Variants in QTMAN observed in about 807,000 individuals in gnomAD.
QTMAN encodes queuosine-tRNA mannosyltransferase.
chr2:144,196,142 T>A, the QTMAN span, among the ~76,000 whole-genome samples: 1 of 151,750 alleles, frequency 6.6e-6, no homozygotes, highest in African/African-American at 2.4e-5. Context: ...AAATGAAAGC[T>A]AAGAATCATT....
At chr2:143,971,718 GCTT>G in the QTMAN span, among the ~76,000 whole-genome samples, 3 of 151,778 alleles carry the variant, frequency 2.0e-5, no homozygotes, top group Non-Finnish European at 2.9e-5. Context: ...CAGAATTTTA[GCTT>G]CTTTTTTACA....
chr2:143,952,828 GTAC>G, the QTMAN span: 4 of 1,605,618 alleles, frequency 2.5e-6, no homozygotes, highest in African/African-American at 5.4e-5. Context: ...AACACCCACA[GTAC>G]ACAGCTTCCA....
At chr2:144,024,159 G>T in the QTMAN span, among the ~76,000 whole-genome samples, 1 of 151,816 alleles carries the variant, frequency 6.6e-6, no homozygotes, top group African/African-American at 2.4e-5. Context: ...AGAATTATGG[G>T]CAACAAATCA....
At chr2:143,977,334 T>C in the QTMAN span, among the ~76,000 whole-genome samples, 1 of 152,152 alleles carries the variant, frequency 6.6e-6, no homozygotes, top group South Asian at 2.1e-4. Flanking sequence ...CAAAATGCTA[T>C]GAGAGTGTAG....
chr2:143,992,726 G>C, the QTMAN span, among the ~76,000 whole-genome samples: 1 of 152,088 alleles, frequency 6.6e-6, no homozygotes, highest in African/African-American at 2.4e-5. Flanking sequence ...TCTTAAGGAT[G>C]TTCTTCGGGC....
chr2:144,154,797 A>G, the QTMAN span, among the ~76,000 whole-genome samples: 44 of 152,300 alleles, frequency 2.9e-4, no homozygotes, highest in Middle Eastern at 3.4e-3. Context: ...TTAGTATCCT[A>G]GAGTTTTCCT....
At chr2:144,037,994 T>A in the QTMAN span, among the ~76,000 whole-genome samples, 1 of 152,254 alleles carries the variant, frequency 6.6e-6, no homozygotes, top group African/African-American at 2.4e-5. Flanking sequence ...CCACTTATTG[T>A]GTGACTTTGA....
the QTMAN span, among the ~76,000 whole-genome samples, chr2:144,080,456 T>C: frequency 1.2e-4 from 18 of 152,138 alleles, no homozygotes; most frequent in Non-Finnish European, 2.4e-4. Flanking sequence ...GTCTATTACC[T>C]GGAGCTTCAG....
the QTMAN span, among the ~76,000 whole-genome samples, chr2:144,260,310 C>T: frequency 6.6e-6 from 1 of 151,598 alleles, no homozygotes; most frequent in Non-Finnish European, 1.5e-5. Flanking sequence ...CTTAGTTCTC[C>T]CTCTATAAAT....
chr2:144,288,755 C>T, the QTMAN span, among the ~76,000 whole-genome samples: 1 of 152,252 alleles, frequency 6.6e-6, no homozygotes, highest in Non-Finnish European at 1.5e-5. Context: ...TACTACTTGG[C>T]TATTTCAATG....
chr2:143,959,164 A>G, the QTMAN span, among the ~76,000 whole-genome samples: 1 of 152,226 alleles, frequency 6.6e-6, no homozygotes, highest in East Asian at 1.9e-4. Context: ...TTAAGATATG[A>G]TAAAATGAAC....
At chr2:144,012,957 T>C in the QTMAN span, among the ~76,000 whole-genome samples, 1 of 151,986 alleles carries the variant, frequency 6.6e-6, no homozygotes, top group African/African-American at 2.4e-5. Flanking sequence ...GTGTCTCACA[T>C]TCTAGCTCGG....
At chr2:144,005,971 A>T in the QTMAN span, 1 of 152,134 alleles carries the variant, frequency 6.6e-6, no homozygotes, top group African/African-American at 2.4e-5. Flanking sequence ...TTAATGGAAT[A>T]AAAGAAAAAG....
the QTMAN span, among the ~76,000 whole-genome samples, chr2:144,239,172 G>GAAAAAAAAAAAAAAAA: frequency 8.0e-6 from 1 of 125,186 alleles, no homozygotes; most frequent in African/African-American, 3.1e-5. Flanking sequence ...AAAAAGAAAA[G>GAAAAAAAAAAAAAAAA]AAAAAAAAGA....
chr2:144,330,585 C>T, the QTMAN span, among the ~76,000 whole-genome samples: 1 of 152,208 alleles, frequency 6.6e-6, no homozygotes, highest in Non-Finnish European at 1.5e-5. Flanking sequence ...AATGTTTAAA[C>T]TCACAGAATG....
At chr2:144,030,363 G>A in the QTMAN span, among the ~76,000 whole-genome samples, 1 of 152,060 alleles carries the variant, frequency 6.6e-6, no homozygotes. Flanking sequence ...TATCCTGAAA[G>A]GTTCAGTTCA....
the QTMAN span, among the ~76,000 whole-genome samples, chr2:144,180,683 G>C: frequency 1.2e-4 from 18 of 152,132 alleles, no homozygotes; most frequent in Admixed American, 1.2e-3. Flanking sequence ...AGGGCCAGGT[G>C]GCTGCTGCCT....
At chr2:144,005,550 A>AC in the QTMAN span, among the ~76,000 whole-genome samples, 1 of 152,046 alleles carries the variant, frequency 6.6e-6, no homozygotes, top group Non-Finnish European at 1.5e-5. Context: ...CTACTATATT[A>AC]CCCGTAAGGA....
chr2:144,206,392 G>A, the QTMAN span, among the ~76,000 whole-genome samples: 4 of 152,108 alleles, frequency 2.6e-5, no homozygotes, highest in Non-Finnish European at 5.9e-5. Flanking sequence ...TTCAATCTAG[G>A]ATTGAATGCA....
Sources: allele counts gnomAD v4.1 joint callset (sites outside exome capture counted in the v4.1 genomes callset), GRCh38; gene constraint gnomAD v4.1.1; transcripts MANE v1.5; gene names NCBI Gene and HGNC (gene_info 2026-07-23, HGNC 2026-07-21).